The following NDUFS2 variants were observed in gnomAD, a reference collection of about 807,000 sequenced individuals.
NDUFS2 encodes the protein NADH dehydrogenase [ubiquinone] iron-sulfur protein 2, mitochondrial.
NDUFS2 carries 38 observed loss-of-function variants against 69.6 expected under a neutral mutation model. That is an observed-to-expected ratio of 0.55 (90% CI 0.42 to 0.72). NDUFS2 has a LOEUF of 0.72. Among genes scored for constraint, NDUFS2 ranks in the 30% least tolerant of loss-of-function variants. The pLI, the probability that NDUFS2 is intolerant of heterozygous loss-of-function variation, is 0.00. For missense variants in NDUFS2, 468 were observed against 595.0 expected (o/e 0.79, Z 2.22); for synonymous variants, 194 against 211.2 (o/e 0.92, Z 0.70).
intron 7 of NDUFS2, 45 bp downstream of exon 7, chr1:161,210,233 G>C: frequency 6.2e-7 from 1 of 1,610,778 alleles, no homozygotes; most frequent in Admixed American, 1.7e-5. Context: ...CACAAGAAGG[G>C]CTAGAGAAAT....
chr1:161,198,460 G>C, upstream of NDUFS2: 1 of 1,573,240 alleles, frequency 6.4e-7, no homozygotes, highest in East Asian at 2.4e-5. The surrounding 1 kb of genome is among the most constrained non-coding windows in gnomAD (Gnocchi z 4.7). Flanking sequence ...CCTCCTCCCG[G>C]GGGAGGGGGC....
At position 161,214,243 on chromosome 1, in the gene NDUFS2, G is replaced by A; in HGVS notation, c.*50G>A. The A allele has an allele frequency of 6.4e-7, 1 of 1,556,260 alleles. No homozygotes were observed. The highest frequency in any genetic ancestry group is 8.9e-7 in the Non-Finnish European group (1 of 1,129,230). Reference sequence around the variant, plus strand: ...CCTGCCTATCAGCTTCTTCTGTGGAGCCTGTTCCTCACTGGAAATTGGCCT... The same window carrying A: ...CCTGCCTATCAGCTTCTTCTGTGGAACCTGTTCCTCACTGGAAATTGGCCT... On this transcript the variant is annotated 3_prime_UTR_variant, in exon 14 of 14. Transcript: ENST00000676972.
intron 13 of NDUFS2, 31 bp downstream of exon 13, chr1:161,213,952 C>T (rs759109032): frequency 2.5e-6 from 4 of 1,614,044 alleles, no homozygotes; most frequent in Non-Finnish European, 3.4e-6. Context: ...TAGAGGTATC[C>T]TAGACAAAGG....
At chr1:161,207,699 C>T (rs1342402208) in intron 3 of NDUFS2, among the ~76,000 whole-genome samples, 2 of 148,344 alleles carry the variant, frequency 1.3e-5, no homozygotes, top group Admixed American at 6.7e-5. Flanking sequence ...TGCACTCCAG[C>T]GCCTGGGCAA....
At chr1:161,202,110 C>T (rs543730825), upstream of NDUFS2, 2 of 532,998 alleles carry the variant, frequency 3.8e-6, no homozygotes, top group Non-Finnish European at 6.8e-6. Flanking sequence ...GTATCTGCCC[C>T]ACGCAGGAAC....
At chr1:161,207,459 C>G (rs1665528019) in intron 3 of NDUFS2, among the ~76,000 whole-genome samples, 1 of 152,146 alleles carries the variant, frequency 6.6e-6, no homozygotes. Context: ...GATGCTCTGT[C>G]TTCCTTAAAT....
intron 2 of NDUFS2, chr1:161,203,822 A>G (rs1213468565): frequency 2.3e-6 from 1 of 431,254 alleles, no homozygotes; most frequent in Non-Finnish European, 4.4e-6. Context: ...GGCTGGTTTC[A>G]AACTCCTGGC....
At chr1:161,202,202 A>G (rs1665166909), upstream of NDUFS2, 1 of 652,122 alleles carries the variant, frequency 1.5e-6, no homozygotes, top group Admixed American at 2.3e-5. Context: ...GACCGCGGTC[A>G]CTGTTATCTA....
chr1:161,198,357 T>C (rs61747495), upstream of NDUFS2: 7,786 of 1,613,114 alleles, frequency 4.8e-3, 31 homozygotes, highest in Non-Finnish European at 5.6e-3. This position sits in a 1 kb window ranked among gnomAD's most constrained non-coding sequence, Gnocchi z 4.7. Context: ...AGTAGCAGCG[T>C]CTCCCCAAAG....
At chr1:161,197,974 A>G (rs1158353816), upstream of NDUFS2, 1 of 1,537,904 alleles carries the variant, frequency 6.5e-7, no homozygotes, top group Non-Finnish European at 8.8e-7. Context: ...ACCGCAGGAC[A>G]CAGACTCCAG....
At chr1:161,205,351 A>T (rs1035290299) in intron 2 of NDUFS2, among the ~76,000 whole-genome samples, 1 of 152,192 alleles carries the variant, frequency 6.6e-6, no homozygotes, top group Non-Finnish European at 1.5e-5. Flanking sequence ...AGGAAGTCCC[A>T]ATAAGAGTTC....
intron 10 of NDUFS2, 134 bp downstream of exon 10, chr1:161,212,614 C>T: frequency 1.7e-6 from 2 of 1,207,684 alleles, no homozygotes; most frequent in Non-Finnish European, 2.3e-6. Context: ...ATTGCCCAGA[C>T]TGGAGTGCAA....
upstream of NDUFS2, chr1:161,198,509 A>G: frequency 6.4e-7 from 1 of 1,566,250 alleles, no homozygotes; most frequent in Non-Finnish European, 8.7e-7. The surrounding 1 kb of genome is among the most constrained non-coding windows in gnomAD (Gnocchi z 4.7). Context: ...GGCCAGCAGT[A>G]GCAGAAGCAG....
intron 2 of NDUFS2, among the ~76,000 whole-genome samples, chr1:161,206,042 C>T (rs1665439834): frequency 6.6e-6 from 1 of 152,068 alleles, no homozygotes; most frequent in Non-Finnish European, 1.5e-5. Context: ...ACCTATTACT[C>T]ATAACAGTTG....
intron 7 of NDUFS2, 36 bp downstream of exon 7, chr1:161,210,224 A>T: frequency 6.2e-7 from 1 of 1,610,718 alleles, no homozygotes; most frequent in East Asian, 2.2e-5. Context: ...TCTCTCCCCC[A>T]CAAGAAGGGC....
chr1:161,206,720 T>C, intron 3 of NDUFS2, 123 bp downstream of exon 3: 2 of 1,031,950 alleles, frequency 1.9e-6, no homozygotes, highest in Non-Finnish European at 2.8e-6. Flanking sequence ...CCCGTTGAGA[T>C]TACTCTTGGT....
chr1:161,207,454 T>C (rs761943543), intron 3 of NDUFS2, among the ~76,000 whole-genome samples: 19 of 152,206 alleles, frequency 1.2e-4, no homozygotes, highest in Non-Finnish European at 2.5e-4. Flanking sequence ...TACCTGATGC[T>C]CTGTCTTCCT....
At chr1:161,213,353 T>C (rs892512105) in intron 10 of NDUFS2, 27 bp from the exon 11 acceptor site, 2 of 1,517,086 alleles carry the variant, frequency 1.3e-6, no homozygotes, top group Non-Finnish European at 1.8e-6. Flanking sequence ...ATATGGTTTA[T>C]TGATGCTCCC....
At chr1:161,207,580 C>G (rs1283731898) in intron 3 of NDUFS2, among the ~76,000 whole-genome samples, 1 of 151,852 alleles carries the variant, frequency 6.6e-6, no homozygotes, top group Non-Finnish European at 1.5e-5. Flanking sequence ...AAGGTGAAAC[C>G]CCATCTCTAC....
Sources: gnomAD v4.1 joint callset for allele counts (sites outside exome capture counted in the v4.1 genomes callset) on GRCh38, gnomAD v4.1.1 for gene constraint, Gnocchi (gnomAD v3.1) non-coding constraint, MANE v1.5 for transcripts, NCBI Gene and HGNC (gene_info 2026-07-23, HGNC 2026-07-21) for gene names.